The following CFAP20DC variants were observed in gnomAD, a reference collection of about 807,000 sequenced individuals.
The protein encoded by CFAP20DC is protein CFAP20DC.
CFAP20DC carries 84 observed loss-of-function variants against 101.7 expected under a neutral mutation model. The observed-to-expected ratio is 0.83, with a 90% CI of 0.69 to 0.99. CFAP20DC has a LOEUF of 0.99. CFAP20DC is among the 50% of genes least tolerant of loss of function. CFAP20DC has a pLI of 0.00. For missense variants in CFAP20DC, 1,007 were observed against 970.3 expected, an observed-to-expected ratio of 1.04 and a Z score of -0.50; for synonymous variants, 359 against 351.2, an observed-to-expected ratio of 1.02 and a Z score of -0.25.
intron 15 of CFAP20DC, among the ~76,000 whole-genome samples, chr3:58,797,797 A>C (rs2073365811): frequency 6.6e-6 from 1 of 152,204 alleles, no homozygotes. Flanking sequence ...AGTTGAAGCC[A>C]GTGGTCATTG....
chr3:58,819,519 C>T (rs1311216029), intron 14 of CFAP20DC, among the ~76,000 whole-genome samples: 44 of 148,864 alleles, frequency 3.0e-4, no homozygotes, highest in African/African-American at 8.0e-4. Flanking sequence ...AACACCTCTA[C>T]GCAAATAAAC....
Position 58,888,988 on chromosome 3 carries a change from G to GT in CFAP20DC, c.551-4280dup, listed in dbSNP as rs75203673. On this transcript the variant is annotated intron_variant, in intron 6 of 16. Transcript: ENST00000482387. ...CTCCACAACCTCACCAGCATCTATT[G>GT]TTTTTTTTTTTTACTTTTTTTTTTA... is the stretch of plus-strand genomic sequence containing the variant. Among the ~76,000 whole-genome samples, 428 of 131,666 alleles carry GT rather than the reference G, an allele frequency of 3.3e-3. 1 individual carries two copies. Among genetic ancestry groups the GT allele is most frequent in the African/African-American group, 5.9e-3 (212 of 35,760 alleles). 86.4% of individuals were successfully genotyped at this position (131,666 alleles called of 152,430 possible).
At chr3:58,823,221 C>A (rs1222358459) in intron 14 of CFAP20DC, among the ~76,000 whole-genome samples, 1 of 152,014 alleles carries the variant, frequency 6.6e-6, no homozygotes. Context: ...GAGGCCTTGG[C>A]GATGAATCCA....
At chr3:58,931,324 G>A (rs1211018640) in intron 5 of CFAP20DC, among the ~76,000 whole-genome samples, 1 of 152,222 alleles carries the variant, frequency 6.6e-6, no homozygotes, top group East Asian at 1.9e-4. Flanking sequence ...TGCCTCTGTA[G>A]GCTCCACCTT....
intron 4 of CFAP20DC, among the ~76,000 whole-genome samples, chr3:58,961,892 G>A (rs1238401656): frequency 6.6e-6 from 1 of 151,902 alleles, no homozygotes; most frequent in Non-Finnish European, 1.5e-5. Context: ...ACTGATTTTG[G>A]TCATTTGTGT....
chr3:59,003,939 C>G (rs1179743266), intron 4 of CFAP20DC, among the ~76,000 whole-genome samples: 1 of 152,182 alleles, frequency 6.6e-6, no homozygotes, highest in Non-Finnish European at 1.5e-5. Context: ...CTAACAGACC[C>G]ATTGGATTAA....
At chr3:58,727,813 T>C (rs867568368) in intron 3 of CFAP20DC, 1 of 152,274 alleles carries the variant, frequency 6.6e-6, no homozygotes, top group Admixed American at 6.5e-5. Context: ...AAGTTGTGTT[T>C]TCATCTTTTT....
chr3:58,838,057 A>G (rs1205610395), intron 13 of CFAP20DC, among the ~76,000 whole-genome samples: 1 of 152,194 alleles, frequency 6.6e-6, no homozygotes, highest in African/African-American at 2.4e-5. Context: ...GTCCAATAAT[A>G]AAAGGAATGG....
intron 4 of CFAP20DC, among the ~76,000 whole-genome samples, chr3:58,949,181 CTTT>C (rs1319080271): frequency 6.6e-6 from 1 of 151,828 alleles, no homozygotes; most frequent in African/African-American, 2.4e-5. Context: ...CTTCTCTCTT[CTTT>C]ATTAGTCTTG....
intron 14 of CFAP20DC, among the ~76,000 whole-genome samples, chr3:58,814,023 G>A (rs1343126838): frequency 1.3e-5 from 2 of 151,752 alleles, no homozygotes; most frequent in African/African-American, 4.9e-5. Context: ...AACTCACACT[G>A]GTATAGAAAT....
chr3:58,833,698 T>C (rs1575816818), intron 13 of CFAP20DC, among the ~76,000 whole-genome samples: 1 of 152,212 alleles, frequency 6.6e-6, no homozygotes, highest in Non-Finnish European at 1.5e-5. Flanking sequence ...AGTTACCATG[T>C]GACCCAGCAA....
intron 4 of CFAP20DC, among the ~76,000 whole-genome samples, chr3:58,950,936 T>G (rs2090031058): frequency 6.6e-6 from 1 of 152,180 alleles, no homozygotes; most frequent in East Asian, 1.9e-4. Flanking sequence ...TAAAAGCTTC[T>G]GCACAGCAAA....
chr3:58,730,966 C>G (rs1282633818), intron 3 of CFAP20DC, among the ~76,000 whole-genome samples: 1 of 152,118 alleles, frequency 6.6e-6, no homozygotes, highest in Non-Finnish European at 1.5e-5. Context: ...AGGTCCAGCT[C>G]AAATGGCTCT....
At position 59,040,804 on chromosome 3, in the gene CFAP20DC, A is replaced by G. The variant is rs534307897; in HGVS notation, c.206-1175T>C. Among the ~76,000 whole-genome samples the G allele has an allele frequency of 3.0e-3, 458 of 152,222 alleles. 3 individuals carry two copies. The highest frequency in any genetic ancestry group is 0.014 in the Middle Eastern group (4 of 294). ...CAGATTTACATTCTAAACAATAAAC[A>G]TATTTGATCAAATATGCATAACATT... On this transcript the variant is annotated intron_variant, in intron 3 of 16. Transcript: ENST00000482387.
chr3:58,795,530 T>A lies in CFAP20DC; in HGVS notation c.2237+10865A>T, dbSNP rs998630011. 6.6e-6 allele frequency among the ~76,000 whole-genome samples: 1 copy of A among 151,870 alleles called. No homozygotes were observed. The highest frequency in any genetic ancestry group is 6.6e-5 in the Admixed American group (1 of 15,246). On this transcript the variant is annotated intron_variant, in intron 15 of 16. Coordinates refer to ENST00000482387, the MANE Select transcript of CFAP20DC (RefSeq NM_001394063.1). The surrounding 1 kb of genome is among the most constrained non-coding windows in gnomAD (Gnocchi z 4.2). Reference sequence around the variant, plus strand: ...GTCTCGGCTACATGGGAAGCTGGAGTGGGAGAGTTACCTGAGCCCGGGAGG... The same window carrying A: ...GTCTCGGCTACATGGGAAGCTGGAGAGGGAGAGTTACCTGAGCCCGGGAGG...
chr3:58,863,214 T>C lies in CFAP20DC; in HGVS notation c.1593+344A>G. 1 of 1,260,586 alleles carries C rather than the reference T, an allele frequency of 7.9e-7. No individual in the cohort carries two copies. Among genetic ancestry groups the C allele is most frequent in the African/African-American group, 1.5e-5 (1 of 65,146 alleles). 78.1% of individuals were successfully genotyped at this position (1,260,586 alleles called of 1,614,324 possible). ...CTGCAACACAATTTCTCCAGAGATC[T>C]AGAACAGTATATTCTCAGTGTTTTA... On this transcript the variant is annotated intron_variant, in intron 12 of 16. Transcript: ENST00000482387. The surrounding 1 kb of genome is among the most constrained non-coding windows in gnomAD (Gnocchi z 5.9).
chr3:58,972,373 G>A (rs371997469), intron 4 of CFAP20DC, among the ~76,000 whole-genome samples: 33 of 152,236 alleles, frequency 2.2e-4, no homozygotes, highest in African/African-American at 7.7e-4. Context: ...TAATATAAAA[G>A]CTGGAAGGCC....
intron 4 of CFAP20DC, among the ~76,000 whole-genome samples, chr3:59,023,199 G>C (rs898593589): frequency 2.7e-5 from 4 of 149,784 alleles, no homozygotes; most frequent in African/African-American, 9.9e-5. Context: ...TCTAATCAAA[G>C]AACAACACCA....
At position 58,736,547 on chromosome 3, in the gene CFAP20DC, A is replaced by G. The variant is rs543016524; in HGVS notation, c.197+17222T>C. Among the ~76,000 whole-genome samples the G allele has an allele frequency of 5.0e-4, 76 of 152,320 alleles. 1 individual carries two copies. In the South Asian group the frequency reaches 7.0e-3, roughly 14 times the overall value. ...GAGTTTTTCCCTCCTGGAATTCTTA[A>G]GCCAAATACTCTCATATAATTTTGC... On this transcript the variant is annotated intron_variant, in intron 3 of 3. Transcript: ENST00000486145.
Sources: allele counts gnomAD v4.1 joint callset (sites outside exome capture counted in the v4.1 genomes callset), GRCh38; gene constraint gnomAD v4.1.1; non-coding constraint Gnocchi (gnomAD v3.1); transcripts MANE v1.5; gene names NCBI Gene and HGNC (gene_info 2026-07-23, HGNC 2026-07-21).